The following CARMIL1 variants were observed in gnomAD, a reference collection of about 807,000 sequenced individuals.
CARMIL1 encodes the protein F-actin-uncapping protein LRRC16A.
A neutral mutation model predicts 177.1 loss-of-function variants in CARMIL1; 90 were observed. That is an observed-to-expected ratio of 0.51 (90% CI 0.43 to 0.61). The LOEUF (loss-of-function observed/expected upper bound fraction) is 0.61. Among genes scored for constraint, CARMIL1 ranks in the 20% least tolerant of loss-of-function variants. The pLI is 0.00. For missense variants in CARMIL1, 1,380 were observed against 1,667.0 expected, an observed-to-expected ratio of 0.83 and a Z score of 3.00; for synonymous variants, 577 against 606.2, an observed-to-expected ratio of 0.95 and a Z score of 0.71.
At chr6:25,519,979 A>G (rs1246377957) in intron 22 of CARMIL1, among the ~76,000 whole-genome samples, 2 of 150,986 alleles carry the variant, frequency 1.3e-5, no homozygotes, top group African/African-American at 5.0e-5. Flanking sequence ...ATGGAATCCA[A>G]AATTAAAAAC....
chr6:25,452,004 C>CCT, intron 8 of CARMIL1: 1 of 315,370 alleles, frequency 3.2e-6, no homozygotes, highest in Non-Finnish European at 6.4e-6. Flanking sequence ...CTCCCCCCCC[C>CCT]AGAATACTGT....
intron 5 of CARMIL1, 57 bp from the exon 6 acceptor site, chr6:25,449,835 TTATTTC>T: frequency 2.2e-6 from 2 of 914,612 alleles, no homozygotes; most frequent in Non-Finnish European, 3.3e-6. Flanking sequence ...GTGACAAAAT[TTATTTC>T]TATGTGCAGT....
At chr6:25,595,414 G>T (rs563378116) in intron 32 of CARMIL1, among the ~76,000 whole-genome samples, 1 of 152,028 alleles carries the variant, frequency 6.6e-6, no homozygotes, top group African/African-American at 2.4e-5. Flanking sequence ...GGTGGCAGTG[G>T]GTTAAATTTT....
intron 1 of CARMIL1, among the ~76,000 whole-genome samples, chr6:25,280,753 T>A (rs1040981619): frequency 2.6e-5 from 4 of 152,206 alleles, no homozygotes; most frequent in Non-Finnish European, 5.9e-5. Flanking sequence ...TGTAACAAGG[T>A]ATGTGCGTCT....
At chr6:25,469,238 C>A (rs1048972625) in intron 9 of CARMIL1, among the ~76,000 whole-genome samples, 15 of 152,138 alleles carry the variant, frequency 9.9e-5, no homozygotes, top group African/African-American at 3.6e-4. Context: ...ATTATGAGAG[C>A]CTTACATGCT....
At chr6:25,452,462 A>G (rs915666364) in intron 8 of CARMIL1, 3 of 446,998 alleles carry the variant, frequency 6.7e-6, no homozygotes, top group Admixed American at 7.7e-5. Context: ...TGGTCCCTTT[A>G]CAATCTTAAA....
rs1342827837 is a variant in CARMIL1 at position 25,540,014 on chromosome 6, C to G, written c.2264C>G (p.Pro755Arg). The G allele has an allele frequency of 6.2e-7, 1 of 1,608,400 alleles. No individual in the cohort carries two copies. Among genetic ancestry groups the G allele is most frequent in the African/African-American group, 1.3e-5 (1 of 74,654 alleles). The change falls in exon 26 of 37, where the codon CCA becomes CGA. Residue 755 changes from proline (P) to arginine (R), a missense_variant. Transcript: ENST00000329474. ...GGAGCCAGTGGCTTACTATCCAGTC[C>G]AATTCAGGAGACCCTGGAATCAATG... ...WAGASGLLSS[P>R]IQETLESMAG...
chr6:25,416,854 G>GT (rs1175909716), intron 2 of CARMIL1, among the ~76,000 whole-genome samples: 1 of 152,144 alleles, frequency 6.6e-6, no homozygotes. Flanking sequence ...TGGCATACGA[G>GT]TTTTAGGATT....
intron 2 of CARMIL1, among the ~76,000 whole-genome samples, chr6:25,373,589 C>CTTTT (rs200205287): frequency 1.4e-5 from 2 of 141,370 alleles, no homozygotes; most frequent in African/African-American, 2.6e-5. Context: ...CTCTCTCTCT[C>CTTTT]TTTTTTTTTT....
At chr6:25,453,895 A>G (rs1460679592) in intron 8 of CARMIL1, among the ~76,000 whole-genome samples, 3 of 152,172 alleles carry the variant, frequency 2.0e-5, no homozygotes, top group African/African-American at 4.8e-5. Context: ...TTATTATGCC[A>G]TAATGATTTT....
intron 8 of CARMIL1, among the ~76,000 whole-genome samples, chr6:25,462,240 C>G (rs1056355342): frequency 5.3e-5 from 8 of 152,120 alleles, no homozygotes; most frequent in African/African-American, 1.9e-4. Flanking sequence ...AACTCTTAGA[C>G]TAAGCCATAC....
chr6:25,531,242 G>A (rs553412785), intron 24 of CARMIL1, among the ~76,000 whole-genome samples: 62 of 152,238 alleles, frequency 4.1e-4, no homozygotes, highest in African/African-American at 1.5e-3. Context: ...GACTAGTAGG[G>A]AAATTTTTGT....
chr6:25,461,146 GCCTTAGACT>G (rs1800083762), intron 8 of CARMIL1, among the ~76,000 whole-genome samples: 1 of 152,058 alleles, frequency 6.6e-6, no homozygotes, highest in African/African-American at 2.4e-5. Context: ...CCCACCTTCT[GCCTTAGACT>G]CCTTCCATAT....
In CARMIL1 at chr6:25,536,946, T is replaced by C. The variant is rs1298425085; in HGVS notation, c.2068-909T>C. ...ACTTTTTTTAAGAACATGAAATAAA[T>C]AGACAACCGGCAGCTCTAACGAAAA... On this transcript the variant is annotated intron_variant, in intron 24 of 36. Transcript: ENST00000329474. Among the ~76,000 whole-genome samples the C allele has an allele frequency of 3.5e-4, 54 of 152,150 alleles. 1 individual carries two copies. Among genetic ancestry groups the C allele is most frequent in the Admixed American group, 3.5e-3 (53 of 15,276 alleles).
chr6:25,537,520 C>T (rs935508159), intron 24 of CARMIL1, among the ~76,000 whole-genome samples: 1 of 152,158 alleles, frequency 6.6e-6, no homozygotes, highest in Non-Finnish European at 1.5e-5. Context: ...GAGTTAGTAT[C>T]TAGCAAAATG....
At position 25,279,472 on chromosome 6, in the gene CARMIL1, G is replaced by T; in HGVS notation, c.-324G>T. The T allele has an allele frequency of 2.2e-6, 1 of 445,682 alleles. No homozygotes were observed. Among genetic ancestry groups the T allele is most frequent in the South Asian group, 2.4e-5 (1 of 42,172 alleles). The allele number at this position is 445,682 out of a possible 1,614,324, so 27.6% of individuals were successfully genotyped here. ...CCCAAGCCCCGCCGGGGACCAGCGA[G>T]CCGGGAGGAGGAGCAGGCGCCACAG... On this transcript the variant is annotated 5_prime_UTR_variant, in exon 1 of 37. Transcript: ENST00000329474.
chr6:25,335,478 C>T (rs894390485), intron 2 of CARMIL1, among the ~76,000 whole-genome samples: 13 of 152,166 alleles, frequency 8.5e-5, no homozygotes, highest in Non-Finnish European at 1.8e-4. Flanking sequence ...GATATATTTT[C>T]TGTGTATAGT....
At chr6:25,619,345 C>T (rs913466124) in intron 36 of CARMIL1, 102 bp from the exon 37 acceptor site, 2 of 1,204,906 alleles carry the variant, frequency 1.7e-6, no homozygotes, top group African/African-American at 1.6e-5. Flanking sequence ...TGGCCCCCTC[C>T]CCTCCCCCAA....
At chr6:25,514,236 G>A (rs994912734) in intron 20 of CARMIL1, among the ~76,000 whole-genome samples, 1 of 152,144 alleles carries the variant, frequency 6.6e-6, no homozygotes, top group African/African-American at 2.4e-5. Flanking sequence ...TCACCATACA[G>A]CTTATGGTCA....
Sources: gnomAD v4.1 joint callset for allele counts (sites outside exome capture counted in the v4.1 genomes callset) on GRCh38, gnomAD v4.1.1 for gene constraint, MANE v1.5 for transcripts, NCBI Gene and HGNC (gene_info 2026-07-23, HGNC 2026-07-21) for gene names.